The following MKRN2OS variants were observed in gnomAD, a reference collection of about 807,000 sequenced individuals.
The protein encoded by MKRN2OS is MKRN2 opposite strand protein.
In MKRN2OS, 17 loss-of-function variants were observed where a neutral mutation model predicts 18.2. That is an observed-to-expected ratio of 0.93 (90% CI 0.64 to 1.40). The LOEUF is 1.40. MKRN2OS is among the 40% of genes most tolerant of loss of function. The pLI, the probability that MKRN2OS is intolerant of heterozygous loss-of-function variation, is 0.00. For missense variants in MKRN2OS, 337 were observed against 283.0 expected (o/e 1.19, Z -1.37); for synonymous variants, 121 against 108.5 (o/e 1.12, Z -0.72).
Position 12,541,850 on chromosome 3 carries a change from A to C in MKRN2OS, c.431+10T>G, listed in dbSNP as rs1373788594. 6.5e-7 allele frequency: 1 copy of C among 1,533,490 alleles called. No homozygotes were observed. Among genetic ancestry groups the C allele is most frequent in the Non-Finnish European group, 8.7e-7 (1 of 1,145,862 alleles). 95.0% of individuals were successfully genotyped at this position (1,533,490 alleles called of 1,614,324 possible). A position where few individuals can be genotyped will look rare whatever the true frequency, so the allele number is the denominator to read the frequency against. On this transcript the variant is annotated intron_variant, in intron 3 of 3. Transcript: ENST00000564146. ...GTGTCAGCGAGGGGGCAGCATTTGC[A>C]GTCGTGTACCTGTGAGGCAGCCAGG...
chr3:12,544,673 CTG>C (rs2057861698), intron 1 of MKRN2OS, among the ~76,000 whole-genome samples: 1 of 115,468 alleles, frequency 8.7e-6, no homozygotes, highest in East Asian at 2.0e-4. Context: ...GAGCGAAACT[CTG>C]TCTCGGGGAA....
At chr3:12,555,226 C>T in intron 1 of MKRN2OS, among the ~76,000 whole-genome samples, 1 of 150,242 alleles carries the variant, frequency 6.7e-6, no homozygotes, top group East Asian at 1.9e-4. Flanking sequence ...ACAGGAGAAT[C>T]GCTTGAACAC....
chr3:12,554,809 A>C (rs909204776), intron 1 of MKRN2OS, among the ~76,000 whole-genome samples: 1 of 152,212 alleles, frequency 6.6e-6, no homozygotes, highest in Non-Finnish European at 1.5e-5. Flanking sequence ...ATATTTAAAG[A>C]AATTCTGGAA....
intron 1 of MKRN2OS, among the ~76,000 whole-genome samples, chr3:12,555,994 C>G (rs2057966232): frequency 6.6e-6 from 1 of 151,010 alleles, no homozygotes; most frequent in Admixed American, 6.6e-5. Flanking sequence ...TTATTTTGAT[C>G]TGGGTGGTAG....
At chr3:12,550,356 C>T (rs1314702299), upstream of MKRN2OS, among the ~76,000 whole-genome samples, 1 of 152,140 alleles carries the variant, frequency 6.6e-6, no homozygotes, top group Non-Finnish European at 1.5e-5. Context: ...TACGGTATGA[C>T]TCCCAACTAT....
chr3:12,548,810 T>A (rs1445881934), upstream of MKRN2OS, among the ~76,000 whole-genome samples: 1 of 152,234 alleles, frequency 6.6e-6, no homozygotes, highest in African/African-American at 2.4e-5. Context: ...AGCATTTTTT[T>A]TCAACACAAG....
chr3:12,544,386 A>G (rs866227080), intron 1 of MKRN2OS, among the ~76,000 whole-genome samples: 2 of 152,164 alleles, frequency 1.3e-5, no homozygotes, highest in Non-Finnish European at 2.9e-5. Flanking sequence ...ACAATAAAAT[A>G]TAAACCTGGC....
At chr3:12,547,483 G>T (rs866229400), upstream of MKRN2OS, among the ~76,000 whole-genome samples, 1 of 152,170 alleles carries the variant, frequency 6.6e-6, no homozygotes, top group Non-Finnish European at 1.5e-5. Flanking sequence ...GGTCTTGGCT[G>T]CAGTGAGCCA....
At chr3:12,547,244 CT>C (rs1269007828), upstream of MKRN2OS, among the ~76,000 whole-genome samples, 43 of 152,274 alleles carry the variant, frequency 2.8e-4, no homozygotes, top group Admixed American at 1.8e-3. Flanking sequence ...ATGTTAGATT[CT>C]TTTAAAGCTC....
intron 3 of MKRN2OS, 86 bp from the exon 4 acceptor site, chr3:12,540,519 C>A (rs760257503): frequency 1.1e-5 from 17 of 1,501,034 alleles, no homozygotes; most frequent in East Asian, 2.5e-5. Flanking sequence ...TAACTGAAAT[C>A]GGGTGCCTCA....
downstream of MKRN2OS, among the ~76,000 whole-genome samples, chr3:12,551,122 C>G (rs7648223): frequency 0.067 from 10,181 of 151,826 alleles, 466 homozygotes; most frequent in Admixed American, 0.16. Flanking sequence ...AAGGAGCCAC[C>G]CTCCTGCCCT....
In MKRN2OS at chr3:12,543,201, C is replaced by T; in HGVS notation, c.247G>A (p.Val83Ile). Residue 83 changes from valine (V) to isoleucine (I), a missense_variant, in exon 2 of 4, where the codon GTT (valine) becomes ATT (isoleucine). Physicochemically the swap from Val to Ile is conservative, Grantham distance 29. Coordinates refer to ENST00000564146, the MANE Select transcript of MKRN2OS (RefSeq NM_001195279.2). ...TTACCATTTGTGTTAGTTATTCCAA[C>T]ATGAAGATCAGACCTTCCATCATAC... is the stretch of plus-strand genomic sequence containing the variant. The part of the protein sequence containing the change: ...REYDGRSDLH[V>I]GITNTNGVVY... 6.5e-7 allele frequency: 1 copy of T among 1,535,838 alleles called. No individual in the cohort carries two copies. Among genetic ancestry groups the T allele is most frequent in the Non-Finnish European group, 8.7e-7 (1 of 1,146,802 alleles).
chr3:12,557,121 G>A, intron 1 of MKRN2OS: 2 of 1,495,538 alleles, frequency 1.3e-6, no homozygotes, highest in Non-Finnish European at 1.8e-6. Flanking sequence ...AGAGGCGGCG[G>A]CACGACGACG....
chr3:12,540,511 A>G, intron 3 of MKRN2OS, 78 bp from the exon 4 acceptor site: 1 of 1,518,014 alleles, frequency 6.6e-7, no homozygotes. Flanking sequence ...GCCTTTCCTA[A>G]CTGAAATCGG....
chr3:12,557,603 G>A (rs1344738437), intron 1 of MKRN2OS, among the ~76,000 whole-genome samples: 2 of 152,242 alleles, frequency 1.3e-5, no homozygotes, highest in Non-Finnish European at 1.5e-5. Flanking sequence ...GATTATGAGG[G>A]CCTCAAAGTT....
At chr3:12,545,111 A>G in intron 1 of MKRN2OS, 136 bp downstream of exon 1, 1 of 651,002 alleles carries the variant, frequency 1.5e-6, no homozygotes, top group Non-Finnish European at 2.6e-6. Flanking sequence ...ACTGCATCTC[A>G]GGATTTAAAG....
At chr3:12,549,267 T>C (rs2057910518), upstream of MKRN2OS, among the ~76,000 whole-genome samples, 8 of 150,674 alleles carry the variant, frequency 5.3e-5, no homozygotes. Context: ...GTTTGTTTGT[T>C]TGTTTATGAG....
chr3:12,559,204 T>G (rs1028847010), intron 1 of MKRN2OS, among the ~76,000 whole-genome samples: 2 of 152,070 alleles, frequency 1.3e-5, no homozygotes, highest in African/African-American at 4.8e-5. Flanking sequence ...ACATAACAGG[T>G]GTTTTAAGTG....
intron 1 of MKRN2OS, among the ~76,000 whole-genome samples, chr3:12,544,566 C>G (rs2057859598): frequency 6.6e-6 from 1 of 151,800 alleles, no homozygotes; most frequent in Non-Finnish European, 1.5e-5. Flanking sequence ...ATCCCAGCTA[C>G]TCGGGAGCCT....
Sources: allele counts gnomAD v4.1 joint callset (sites outside exome capture counted in the v4.1 genomes callset), GRCh38; gene constraint gnomAD v4.1.1; transcripts MANE v1.5; gene names NCBI Gene and HGNC (gene_info 2026-07-23, HGNC 2026-07-21).